FYTTD1: variants seen among roughly 807,000 people sequenced by gnomAD.
FYTTD1 encodes the protein UAP56-interacting factor.
FYTTD1 carries 22 observed loss-of-function variants against 40.9 expected under a neutral mutation model. The ratio of observed to expected loss-of-function variants is 0.54; its 90% CI spans 0.38 to 0.77. The LOEUF is 0.77. Ranked by LOEUF, FYTTD1 falls within the 30% of genes least tolerant of loss-of-function variation. The pLI, the probability that FYTTD1 is intolerant of heterozygous loss-of-function variation, is 0.00. For missense variants in FYTTD1, 351 were observed against 392.2 expected, an observed-to-expected ratio of 0.90 and a Z score of 0.89; for synonymous variants, 140 against 137.9, an observed-to-expected ratio of 1.01 and a Z score of -0.10.
At position 197,783,477 on chromosome 3, in the gene FYTTD1, A is replaced by G. The variant is rs1326705578; in HGVS notation, c.*1568A>G. On this transcript the variant is annotated 3_prime_UTR_variant, in exon 9 of 9. Coordinates refer to ENST00000241502, the MANE Select transcript of FYTTD1 (RefSeq NM_032288.7). ...TCAGTAACAGTTTCATGCTTATACC[A>G]AAGAATTAAATCTGATCTTTAATAT... is the stretch of plus-strand genomic sequence containing the variant. 1 of 152,616 alleles carries G rather than the reference A, an allele frequency of 6.6e-6. No individual in the cohort carries two copies. The highest frequency in any genetic ancestry group is 1.5e-5 in the Non-Finnish European group (1 of 68,044). The allele number at this position is 152,616 out of a possible 1,614,324, so 9.5% of individuals were successfully genotyped here. A position where few individuals can be genotyped will look rare whatever the true frequency, so the allele number is the denominator to read the frequency against.
chr3:197,757,650 TTC>T (rs1376654401), intron 2 of FYTTD1, among the ~76,000 whole-genome samples: 1 of 152,150 alleles, frequency 6.6e-6, no homozygotes, highest in Non-Finnish European at 1.5e-5. Flanking sequence ...TGGTACCTCT[TTC>T]TGGTCCCAGC....
chr3:197,754,503 A>G (rs115681233), intron 1 of FYTTD1, among the ~76,000 whole-genome samples: 3,483 of 152,224 alleles, frequency 0.023, 77 homozygotes, highest in East Asian at 0.053. Context: ...TTCTGGAAAG[A>G]CTAATTATAG....
intron 2 of FYTTD1, among the ~76,000 whole-genome samples, chr3:197,766,210 C>A (rs1456179182): frequency 1.3e-5 from 2 of 149,416 alleles, no homozygotes; most frequent in Non-Finnish European, 2.9e-5. Flanking sequence ...CCTAGCATTT[C>A]ACCTTCTAGA....
In FYTTD1 at chr3:197,785,852, T is replaced by A. The variant is rs923915106; in HGVS notation, c.*3943T>A. 1 of 151,956 alleles carries A rather than the reference T, an allele frequency of 6.6e-6. No individual in the cohort carries two copies. Among genetic ancestry groups the A allele is most frequent in the Admixed American group, 6.5e-5 (1 of 15,272 alleles). 9.4% of individuals were successfully genotyped at this position (151,956 alleles called of 1,614,324 possible). A position where few individuals can be genotyped will look rare whatever the true frequency, so the allele number is the denominator to read the frequency against. ...TCAGAATTATTATTATTATTATTAT[T>A]TTGCCACTGTGAAAAAGCAGTTAAG... On this transcript the variant is annotated 3_prime_UTR_variant, in exon 9 of 9. Coordinates refer to ENST00000241502, the MANE Select transcript of FYTTD1 (RefSeq NM_032288.7).
intron 2 of FYTTD1, among the ~76,000 whole-genome samples, chr3:197,756,837 T>C (rs1329186925): frequency 6.6e-6 from 1 of 152,236 alleles, no homozygotes; most frequent in Non-Finnish European, 1.5e-5. Flanking sequence ...AAGGATCTTA[T>C]ATATCATGAG....
Position 197,773,438 on chromosome 3 carries a change from ATAAAT to A in FYTTD1, c.539_543del (p.Leu180SerfsTer54), listed in dbSNP as rs755209822. ...CCAGCTAATTTTACCAGGAGTGGAA[ATAAAT>A]TAAATCATCAGAAAGATACTCGTCA... On this transcript the variant is annotated frameshift_variant, in exon 5 of 9. Coordinates refer to ENST00000241502, the MANE Select transcript of FYTTD1 (RefSeq NM_032288.7). LOFTEE classifies it high-confidence loss of function. 3 of 1,603,808 alleles carry A rather than the reference ATAAAT, an allele frequency of 1.9e-6. No homozygotes were observed. The highest frequency in any genetic ancestry group is 2.6e-6 in the Non-Finnish European group (3 of 1,173,200).
At chr3:197,771,148 A>G (rs1019929828) in intron 4 of FYTTD1, among the ~76,000 whole-genome samples, 1 of 152,136 alleles carries the variant, frequency 6.6e-6, no homozygotes, top group Non-Finnish European at 1.5e-5. Flanking sequence ...TGAGCCCAGG[A>G]TTCAGGGCTA....
At chr3:197,755,220 G>C (rs1729178141) in intron 1 of FYTTD1, among the ~76,000 whole-genome samples, 1 of 152,094 alleles carries the variant, frequency 6.6e-6, no homozygotes, top group African/African-American at 2.4e-5. Flanking sequence ...TATGGCACTT[G>C]TTTAATTTTG....
rs975176480 is a variant in FYTTD1, at chr3:197,757,861, A to G, written c.235+1304A>G. On this transcript the variant is annotated intron_variant, in intron 2 of 8. Coordinates refer to ENST00000241502, the MANE Select transcript of FYTTD1 (RefSeq NM_032288.7). ...AACCTAAGGGAGTAAATTTCATGAC[A>G]GGTATTTAACTGTAGCAAATGAAGT... 2.0e-5 allele frequency among the ~76,000 whole-genome samples: 3 copies of G among 152,260 alleles called. No individual in the cohort carries two copies. The East Asian group carries it at 5.8e-4, about 29-fold the overall frequency.
intron 1 of FYTTD1, among the ~76,000 whole-genome samples, chr3:197,754,206 A>G (rs1475815305): frequency 6.6e-6 from 1 of 152,208 alleles, no homozygotes; most frequent in Non-Finnish European, 1.5e-5. Context: ...GTGGTGTCTC[A>G]TAAATAGTGT....
rs566702967 is a variant in FYTTD1, at chr3:197,755,587, A to C, written c.104-839A>C. 1.2e-4 allele frequency: 25 copies of C among 203,748 alleles called. No homozygotes were observed. The Admixed American group carries it at 1.3e-3, about 11-fold the overall frequency. The allele number at this position is 203,748 out of a possible 1,614,324, so 12.6% of individuals were successfully genotyped here. On this transcript the variant is annotated intron_variant, in intron 1 of 8. Coordinates refer to ENST00000241502, the MANE Select transcript of FYTTD1 (RefSeq NM_032288.7). ...CAGCCTCCCGAGTAGCTGGGATTAC[A>C]GGCATGCACCGCCATACCCGGCTAA...
chr3:197,760,849 A>T (rs1729362823), intron 2 of FYTTD1, among the ~76,000 whole-genome samples: 1 of 151,702 alleles, frequency 6.6e-6, no homozygotes, highest in Non-Finnish European at 1.5e-5. Flanking sequence ...AGTGTTCTTC[A>T]GTGGTAGAAT....
Position 197,778,405 on chromosome 3 carries a change from G to C in FYTTD1, c.799G>C (p.Val267Leu). 6.2e-7 allele frequency: 1 copy of C among 1,611,170 alleles called. No individual in the cohort carries two copies. Among genetic ancestry groups the C allele is most frequent in the Non-Finnish European group, 8.5e-7 (1 of 1,177,600 alleles). The change falls in exon 8 of 9, where the codon GTC becomes CTC. Residue 267 changes from valine to leucine, a missense_variant. Transcript: ENST00000241502. ...SFLTKREQSD[V>L]KKVPKGVPLQ... is the part of the protein sequence containing the mutation. Reference sequence around the variant, plus strand: ...TTTAACAAAGCGGGAGCAAAGTGACGTCAAGAAAGTTCCTAAAGGTGTTCC... The same window carrying C: ...TTTAACAAAGCGGGAGCAAAGTGACCTCAAGAAAGTTCCTAAAGGTGTTCC...
At chr3:197,752,746 CTATA>C (rs111741655) in intron 1 of FYTTD1, among the ~76,000 whole-genome samples, 4,097 of 152,018 alleles carry the variant, frequency 0.027, 91 homozygotes, top group East Asian at 0.053. Flanking sequence ...TATACATACA[CTATA>C]TATATGTGTG....
chr3:197,768,183 A>T (rs1485304841), intron 2 of FYTTD1, among the ~76,000 whole-genome samples: 1 of 152,222 alleles, frequency 6.6e-6, no homozygotes, highest in East Asian at 1.9e-4. Flanking sequence ...TTGTTGAGAA[A>T]CTAATGACAA....
intron 3 of FYTTD1, 112 bp downstream of exon 3, chr3:197,768,699 A>AC (rs757093813): frequency 6.3e-6 from 5 of 797,906 alleles, no homozygotes; most frequent in African/African-American, 1.8e-5. Flanking sequence ...GTACTTTGGG[A>AC]CTGATATAAA....
chr3:197,763,929 G>A (rs1053243089), intron 2 of FYTTD1, among the ~76,000 whole-genome samples: 1 of 152,182 alleles, frequency 6.6e-6, no homozygotes, highest in Non-Finnish European at 1.5e-5. Flanking sequence ...TTGCACCTGC[G>A]GAGCTTTGTG....
At chr3:197,754,174 A>G (rs1394807404) in intron 1 of FYTTD1, among the ~76,000 whole-genome samples, 1 of 152,142 alleles carries the variant, frequency 6.6e-6, no homozygotes, top group Non-Finnish European at 1.5e-5. Context: ...ATGAAGAGTA[A>G]GTAGCACTTT....
chr3:197,775,672 ATGGTGCCAACTG>A (rs1729855684), intron 6 of FYTTD1, among the ~76,000 whole-genome samples: 1 of 152,234 alleles, frequency 6.6e-6, no homozygotes, highest in Non-Finnish European at 1.5e-5. Flanking sequence ...GGGCCCAGAT[ATGGTGCCAACTG>A]TGGTGCATGA....
Sources: allele counts gnomAD v4.1 joint callset (sites outside exome capture counted in the v4.1 genomes callset), GRCh38; gene constraint gnomAD v4.1.1; transcripts MANE v1.5; gene names NCBI Gene and HGNC (gene_info 2026-07-23, HGNC 2026-07-21).